Variants in C1orf162 observed in about 807,000 individuals in gnomAD.
C1orf162 encodes the protein chromosome 1 open reading frame 162.
A neutral mutation model predicts 11.4 loss-of-function variants in C1orf162; 10 were observed. The observed-to-expected ratio is 0.88, with a 90% CI of 0.54 to 1.48. The LOEUF is 1.48. C1orf162 is among the 40% of genes most tolerant of loss of function. The pLI is 0.00. For missense variants in C1orf162, 140 were observed against 149.5 expected (o/e 0.94, Z 0.33); for synonymous variants, 53 against 55.0 (o/e 0.96, Z 0.16).
chr1:111,476,810 C>T lies in C1orf162; in HGVS notation c.50C>T (p.Thr17Ile), dbSNP rs1263164655. 2 of 1,614,004 alleles carry T rather than the reference C, an allele frequency of 1.2e-6. No individual in the cohort carries two copies. Among genetic ancestry groups the T allele is most frequent in the South Asian group, 1.1e-5 (1 of 91,072 alleles). The change falls in exon 3 of 6, where the codon ACT becomes ATT. Residue 17 changes from threonine (T) to isoleucine (I), a missense_variant. Physicochemically the swap from Thr to Ile is moderately conservative, Grantham distance 89. Transcript: ENST00000369718. ...TCKPDTERQG[T>I]LSTAAPTTSP... ...TGTTTTCTTGTAGAAAGACAAGGCA[C>T]TCTCTCCACAGCAGCCCCAACAACT...
Position 111,478,350 on chromosome 1 carries a change from G to C in C1orf162, c.*227G>C, listed in dbSNP as rs903895923. On this transcript the variant is annotated 3_prime_UTR_variant, in exon 6 of 6. Coordinates refer to ENST00000369718, the MANE Select transcript of C1orf162 (RefSeq NM_001300834.2). ...GCCCTCCCACTTGAACTGACAGCCT[G>C]TGAGCCCCTTGGGGGCATAGACTGC... 14 of 598,094 alleles carry C rather than the reference G, an allele frequency of 2.3e-5. No individual in the cohort carries two copies. In the African/African-American group the frequency reaches 2.4e-4, roughly 10 times the overall value. 37.0% of individuals were successfully genotyped at this position (598,094 alleles called of 1,614,324 possible).
In C1orf162 at chr1:111,476,864, AC is replaced by A. The variant is rs775102955; in HGVS notation, c.105del (p.His35GlnfsTer6). On this transcript the variant is annotated frameshift_variant and splice_region_variant, in exon 3 of 6. Transcript: ENST00000369718. LOFTEE classifies it high-confidence loss of function. ...CCTGCACCCTGTCTCTCTAACCACC[AC>A]AAGTAAATGAGCATTCTCCTATCTG... The part of the protein sequence containing the change: ...TSPAPCLSNH[H>X]NKKHLILAFC... The A allele has an allele frequency of 2.5e-6, 4 of 1,613,240 alleles. No individual in the cohort carries two copies. The African/African-American group carries it at 5.3e-5, about 22-fold the overall frequency.
At chr1:111,477,127 G>A (rs531855022) in intron 3 of C1orf162, 6 of 636,756 alleles carry the variant, frequency 9.4e-6, no homozygotes, top group African/African-American at 7.3e-5. Context: ...GGTTGAGGGA[G>A]GGGGAGAGGA....
chr1:111,477,896 T>G, intron 5 of C1orf162, 87 bp from the exon 6 acceptor site: 1 of 1,598,852 alleles, frequency 6.3e-7, no homozygotes, highest in Non-Finnish European at 8.6e-7. Context: ...CAAGTGATTC[T>G]TTGACCAAAG....
In C1orf162 at chr1:111,476,955, G is replaced by A. The variant is rs1431365749; in HGVS notation, c.107+88G>A. On this transcript the variant is annotated intron_variant, in intron 3 of 5. Coordinates refer to ENST00000369718, the MANE Select transcript of C1orf162 (RefSeq NM_001300834.2). ...AGCCTCGGCTTGGGGATTTGGGCAG[G>A]GAGACTGGGGAGAAAGGACTAGAAA... 3.7e-6 allele frequency: 5 copies of A among 1,348,788 alleles called. No individual in the cohort carries two copies. The African/African-American group carries it at 7.2e-5, about 19-fold the overall frequency. 83.6% of individuals were successfully genotyped at this position (1,348,788 alleles called of 1,614,324 possible).
intron 4 of C1orf162, 145 bp from the exon 5 acceptor site, chr1:111,477,581 T>C: frequency 6.7e-7 from 1 of 1,497,340 alleles, no homozygotes; most frequent in Non-Finnish European, 9.1e-7. Context: ...TTCAAATCCC[T>C]TCATTTTTCT....
At chr1:111,477,224 A>G in intron 3 of C1orf162, 110 bp from the exon 4 acceptor site, 1 of 938,468 alleles carries the variant, frequency 1.1e-6, no homozygotes. Flanking sequence ...TTCATTAATC[A>G]GTGTGAAAAC....
intron 2 of C1orf162, among the ~76,000 whole-genome samples, chr1:111,476,362 G>C (rs1653989803): frequency 6.6e-6 from 1 of 152,198 alleles, no homozygotes; most frequent in Non-Finnish European, 1.5e-5. Context: ...TTTTTGGCTA[G>C]GCACTGCTAA....
At position 111,477,900 on chromosome 1, in the gene C1orf162, A is replaced by G. The variant is rs982241277; in HGVS notation, c.253-83A>G. On this transcript the variant is annotated intron_variant, in intron 5 of 5. Transcript: ENST00000369718. ...CAGACACTGGGCAAGTGATTCTTTG[A>G]CCAAAGTGCTCAGGTTGCTTCTAAA... is the stretch of plus-strand genomic sequence containing the variant. 5 of 1,597,950 alleles carry G rather than the reference A, an allele frequency of 3.1e-6. No homozygotes were observed. The African/African-American group carries it at 6.7e-5, about 21-fold the overall frequency.
chr1:111,478,269 C>A lies in C1orf162; in HGVS notation c.*146C>A. On this transcript the variant is annotated 3_prime_UTR_variant, in exon 6 of 6. Coordinates refer to ENST00000369718, the MANE Select transcript of C1orf162 (RefSeq NM_001300834.2). Reference sequence around the variant, plus strand: ...TTTAGATGTGATCTGGCAATGCTATCCAGCATCTTTGGAGACCAATGGTCA... The same window carrying A: ...TTTAGATGTGATCTGGCAATGCTATACAGCATCTTTGGAGACCAATGGTCA... 1 of 936,186 alleles carries A rather than the reference C, an allele frequency of 1.1e-6. No homozygotes were observed. Among genetic ancestry groups the A allele is most frequent in the African/African-American group, 1.6e-5 (1 of 61,004 alleles). The allele number at this position is 936,186 out of a possible 1,614,324, so 58.0% of individuals were successfully genotyped here.
At position 111,478,282 on chromosome 1, in the gene C1orf162, A is replaced by C; in HGVS notation, c.*159A>C. 4.9e-6 allele frequency: 4 copies of C among 822,534 alleles called. No individual in the cohort carries two copies. The highest frequency in any genetic ancestry group is 5.7e-6 in the Non-Finnish European group (3 of 522,224). The allele number at this position is 822,534 out of a possible 1,614,324, so 51.0% of individuals were successfully genotyped here. ...TGGCAATGCTATCCAGCATCTTTGG[A>C]GACCAATGGTCAGTCTTTTCCTGGC... On this transcript the variant is annotated 3_prime_UTR_variant, in exon 6 of 6. Coordinates refer to ENST00000369718, the MANE Select transcript of C1orf162 (RefSeq NM_001300834.2).
At position 111,475,065 on chromosome 1, in the gene C1orf162, C is replaced by G. The variant is rs182096998; in HGVS notation, c.-11-953C>G. On this transcript the variant is annotated intron_variant, in intron 1 of 5. Coordinates refer to ENST00000369718, the MANE Select transcript of C1orf162 (RefSeq NM_001300834.2). ...TACAATGTTTTATGCACAAAAATATCTCTTTCATTGTTATTGATTTAAATA... is the reference window on the plus strand; with the variant it reads ...TACAATGTTTTATGCACAAAAATATGTCTTTCATTGTTATTGATTTAAATA... The G allele has an allele frequency of 1.7e-4, 25 of 151,512 alleles. No homozygotes were observed. In the East Asian group the frequency reaches 3.7e-3, roughly 22 times the overall value. The allele number at this position is 151,512 out of a possible 1,614,324, so 9.4% of individuals were successfully genotyped here.
Position 111,478,091 on chromosome 1 carries a change from A to G in C1orf162, c.361A>G (p.Ile121Val), listed in dbSNP as rs747936656. 29 of 1,614,170 alleles carry G rather than the reference A, an allele frequency of 1.8e-5. 1 individual carries two copies. The South Asian group carries it at 3.1e-4, about 17-fold the overall frequency. The change falls in exon 6 of 6, where the codon ATT (isoleucine) becomes GTT (valine). Residue 121 changes from isoleucine (I) to valine (V), a missense_variant. Coordinates refer to ENST00000369718, the MANE Select transcript of C1orf162 (RefSeq NM_001300834.2). ...GAACCATTCTGCAGACTTTGACCCC[A>G]TTGTCTATGCTCAAATTAAAGTAAC... ...AENHSADFDP[I>V]VYAQIKVTN
Position 111,478,297 on chromosome 1 carries a change from CTT to C in C1orf162, c.*177_*178del. ...GCATCTTTGGAGACCAATGGTCAGT[CTT>C]TTCCTGGCCAGAGGAAAGATTGATG... On this transcript the variant is annotated 3_prime_UTR_variant, in exon 6 of 6. Coordinates refer to ENST00000369718, the MANE Select transcript of C1orf162 (RefSeq NM_001300834.2). 2 of 747,826 alleles carry C rather than the reference CTT, an allele frequency of 2.7e-6. No homozygotes were observed. Among genetic ancestry groups the C allele is most frequent in the Middle Eastern group, 2.9e-4 (1 of 3,400 alleles). 46.3% of individuals were successfully genotyped at this position (747,826 alleles called of 1,614,324 possible). A position where few individuals can be genotyped will look rare whatever the true frequency, so the allele number is the denominator to read the frequency against.
intron 1 of C1orf162, 198 bp from the exon 2 acceptor site, chr1:111,475,820 G>T: frequency 1.9e-6 from 1 of 515,000 alleles, no homozygotes. Flanking sequence ...CAAACCTGAA[G>T]GCTGGCTGCT....
rs371937009 is a variant in C1orf162 at position 111,477,654 on chromosome 1, G to T, written c.203-72G>T. 29 of 1,592,490 alleles carry T rather than the reference G, an allele frequency of 1.8e-5. No homozygotes were observed. In the South Asian group the frequency reaches 3.1e-4, roughly 17 times the overall value. Reference sequence around the variant, plus strand: ...CCCACCCCACCCTTCACCCAAGATCGAAGGGAGAGGCTTCCCATTTCCCCA... The same window carrying T: ...CCCACCCCACCCTTCACCCAAGATCTAAGGGAGAGGCTTCCCATTTCCCCA... On this transcript the variant is annotated intron_variant, in intron 4 of 5. Coordinates refer to ENST00000369718, the MANE Select transcript of C1orf162 (RefSeq NM_001300834.2).
At chr1:111,475,938 G>A in intron 1 of C1orf162, 80 bp from the exon 2 acceptor site, 1 of 1,115,414 alleles carries the variant, frequency 9.0e-7, no homozygotes. Context: ...ACTCTTATAT[G>A]ACAATCACAG....
intron 1 of C1orf162, chr1:111,474,456 C>A (rs1378291081): frequency 1.3e-5 from 2 of 152,194 alleles, no homozygotes; most frequent in Non-Finnish European, 2.9e-5. Flanking sequence ...CTGTGAATTT[C>A]AGGATTTTAC....
At position 111,478,025 on chromosome 1, in the gene C1orf162, A is replaced by C; in HGVS notation, c.295A>C (p.Thr99Pro). Residue 99 changes from threonine to proline, a missense_variant, in exon 6 of 6, where the codon ACT becomes CCT. Physicochemically the swap from Thr to Pro is conservative, Grantham distance 38. Coordinates refer to ENST00000369718, the MANE Select transcript of C1orf162 (RefSeq NM_001300834.2). The stretch of plus-strand genomic sequence containing the variant: ...GGAATCACTTACCTATGCCAGCACA[A>C]CTTTCAAACTCTCAGAAGAAAAGAG... ...PGESLTYAST[T>P]FKLSEEKSNH... is the part of the protein sequence containing the mutation. 2 of 1,614,090 alleles carry C rather than the reference A, an allele frequency of 1.2e-6. No individual in the cohort carries two copies. The highest frequency in any genetic ancestry group is 1.7e-6 in the Non-Finnish European group (2 of 1,179,970).
Sources: allele counts gnomAD v4.1 joint callset (sites outside exome capture counted in the v4.1 genomes callset), GRCh38; gene constraint gnomAD v4.1.1; transcripts MANE v1.5; gene names NCBI Gene and HGNC (gene_info 2026-07-23, HGNC 2026-07-21).